Variants in ABI2 observed in about 807,000 individuals in gnomAD.
The protein encoded by ABI2 is abelson interactor 2.
A neutral mutation model predicts 59.2 loss-of-function variants in ABI2; 25 were observed. The observed-to-expected ratio is 0.42, with a 90% confidence interval of 0.31 to 0.59. The LOEUF (loss-of-function observed/expected upper bound fraction) is 0.59, where lower values mean the gene tolerates loss of function less well. Among genes scored for constraint, ABI2 ranks in the 20% least tolerant of loss-of-function variants. The pLI is 0.14. For synonymous variants in ABI2, 213 were observed against 235.5 expected, an observed-to-expected ratio of 0.90 and a Z score of 0.87; for missense variants, 545 against 681.8, an observed-to-expected ratio of 0.80 and a Z score of 2.23.
intron 4 of ABI2, among the ~76,000 whole-genome samples, chr2:203,383,038 A>G (rs950304181): frequency 1.3e-5 from 2 of 152,212 alleles, no homozygotes; most frequent in East Asian, 1.9e-4. Context: ...GGTTACTACA[A>G]TTATATACAA....
chr2:203,352,536 T>A (rs1303080349), intron 1 of ABI2, among the ~76,000 whole-genome samples: 4 of 150,978 alleles, frequency 2.6e-5, no homozygotes, highest in Non-Finnish European at 5.9e-5. Context: ...GGCTAATACG[T>A]CTGTGTCTCG....
chr2:203,332,822 A>G (rs542991073), intron 1 of ABI2, among the ~76,000 whole-genome samples: 2 of 152,294 alleles, frequency 1.3e-5, no homozygotes, highest in Non-Finnish European at 2.9e-5. Context: ...ACTTGTTGAT[A>G]TGTACGTTTT....
At chr2:203,359,884 A>T (rs2093148445) in intron 1 of ABI2, among the ~76,000 whole-genome samples, 1 of 152,094 alleles carries the variant, frequency 6.6e-6, no homozygotes, top group Admixed American at 6.6e-5. Context: ...AGCAATGAAT[A>T]TTTAGAAATT....
intron 1 of ABI2, among the ~76,000 whole-genome samples, chr2:203,348,958 G>GT (rs1167030966): frequency 6.6e-6 from 1 of 151,890 alleles, no homozygotes; most frequent in Non-Finnish European, 1.5e-5. Context: ...TTGAGACAGG[G>GT]TTTCACTTCC....
intron 3 of ABI2, among the ~76,000 whole-genome samples, chr2:203,381,563 G>A (rs1402370037): frequency 6.6e-6 from 1 of 152,138 alleles, no homozygotes; most frequent in Non-Finnish European, 1.5e-5. Flanking sequence ...CATCGTGCCT[G>A]CCCAATATTT....
intron 11 of ABI2, among the ~76,000 whole-genome samples, chr2:203,417,744 A>G (rs2097960938): frequency 6.6e-6 from 1 of 152,222 alleles, no homozygotes; most frequent in Admixed American, 6.5e-5. Flanking sequence ...ATAGGCTTCC[A>G]CTTTTGGCCA....
intron 4 of ABI2, among the ~76,000 whole-genome samples, chr2:203,388,175 A>AT: frequency 6.6e-6 from 1 of 152,262 alleles, no homozygotes; most frequent in East Asian, 1.9e-4. Flanking sequence ...GCGTAGAAAC[A>AT]TTTTTCACAC....
At chr2:203,404,123 C>T (rs1022735375) in intron 9 of ABI2, among the ~76,000 whole-genome samples, 1 of 152,132 alleles carries the variant, frequency 6.6e-6, no homozygotes, top group Non-Finnish European at 1.5e-5. Context: ...CCCAAGTCTT[C>T]TCTTTTTTGG....
chr2:203,355,966 C>A (rs1280334476), intron 1 of ABI2, among the ~76,000 whole-genome samples: 1 of 151,080 alleles, frequency 6.6e-6, no homozygotes, highest in Middle Eastern at 3.2e-3. Context: ...TAAAGGCATT[C>A]TTTTAGTTTA....
intron 1 of ABI2, among the ~76,000 whole-genome samples, chr2:203,348,621 G>T (rs927718554): frequency 2.0e-5 from 3 of 151,984 alleles, no homozygotes; most frequent in African/African-American, 7.2e-5. Context: ...ACCTCACCTG[G>T]GTGAAATGAG....
chr2:203,412,342 C>CT (rs2097712711), intron 10 of ABI2, among the ~76,000 whole-genome samples: 1 of 152,134 alleles, frequency 6.6e-6, no homozygotes, highest in Non-Finnish European at 1.5e-5. Context: ...TTGGTCCCTG[C>CT]TTTTTTCTGC....
At chr2:203,338,462 C>T (rs1018952174) in intron 1 of ABI2, among the ~76,000 whole-genome samples, 1 of 151,870 alleles carries the variant, frequency 6.6e-6, no homozygotes, top group African/African-American at 2.4e-5. Flanking sequence ...TGAGTTCTTG[C>T]TTGGTTCACG....
chr2:203,384,306 T>TTTTG (rs1559289521), intron 4 of ABI2, among the ~76,000 whole-genome samples: 1 of 138,378 alleles, frequency 7.2e-6, no homozygotes, highest in African/African-American at 3.1e-5. Context: ...TTTTTTTTTT[T>TTTTG]TTTTTTTTTT....
intron 1 of ABI2, among the ~76,000 whole-genome samples, chr2:203,353,965 T>C (rs1158632145): frequency 6.6e-6 from 1 of 152,246 alleles, no homozygotes; most frequent in East Asian, 1.9e-4. Context: ...ATTTAGCAAC[T>C]TTTAGATTTA....
intron 10 of ABI2, among the ~76,000 whole-genome samples, chr2:203,413,370 G>A (rs571630144): frequency 5.2e-4 from 79 of 152,312 alleles, no homozygotes; most frequent in African/African-American, 1.8e-3. Flanking sequence ...AATGTTTCAT[G>A]AACCAAACCT....
chr2:203,355,225 G>A (rs1167767697), intron 1 of ABI2: 4 of 395,896 alleles, frequency 1.0e-5, no homozygotes, highest in South Asian at 3.7e-5. Context: ...AAAAAAAGAA[G>A]ACTGGGTACG....
intron 1 of ABI2, among the ~76,000 whole-genome samples, chr2:203,359,250 CTT>C: frequency 6.6e-6 from 1 of 152,236 alleles, no homozygotes; most frequent in African/African-American, 2.4e-5. Context: ...CATAACCAGT[CTT>C]TTTATATATG....
At position 203,416,814 on chromosome 2, in the gene ABI2, T is replaced by G. The variant is rs574844267; in HGVS notation, c.1280-94T>G. 56 of 1,287,300 alleles carry G rather than the reference T, an allele frequency of 4.4e-5. 1 individual carries two copies. The South Asian group carries it at 7.9e-4, about 18-fold the overall frequency. 79.7% of individuals were successfully genotyped at this position (1,287,300 alleles called of 1,614,324 possible). A position where few individuals can be genotyped will look rare whatever the true frequency, so the allele number is the denominator to read the frequency against. ...AAGGAATATTACATTTATTTTCAAG[T>G]CTAGGTTTATATTCCATGAACCCAG... On this transcript the variant is annotated intron_variant, in intron 10 of 11. Coordinates refer to ENST00000261018, the MANE Select transcript of ABI2 (RefSeq NM_001375670.1).
chr2:203,394,708 C>T lies in ABI2; in HGVS notation c.587C>T (p.Ser196Phe), dbSNP rs748729529. 2 of 1,613,716 alleles carry T rather than the reference C, an allele frequency of 1.2e-6. No homozygotes were observed. The highest frequency in any genetic ancestry group is 1.7e-6 in the Non-Finnish European group (2 of 1,179,896). ...CGCTCTTCTTTTTGTAGGCGGCACT[C>T]CCCCTATCGCACACTGGAGCCAGTG... The part of the protein sequence containing the change: ...MSGKGTLGRH[S>F]PYRTLEPVRP... The change falls in exon 6 of 12, where the codon TCC becomes TTC. Residue 196 changes from serine (S) to phenylalanine (F), a missense_variant. By Grantham distance (155) the Ser-to-Phe change is radical. Coordinates refer to ENST00000261018, the MANE Select transcript of ABI2 (RefSeq NM_001375670.1).
Sources: allele counts gnomAD v4.1 joint callset (sites outside exome capture counted in the v4.1 genomes callset), GRCh38; gene constraint gnomAD v4.1.1; transcripts MANE v1.5; gene names NCBI Gene and HGNC (gene_info 2026-07-23, HGNC 2026-07-21).